The following OBP2A variants were observed in gnomAD, a reference collection of about 807,000 sequenced individuals.
OBP2A encodes odorant-binding protein 2a.
A neutral mutation model predicts 21.9 loss-of-function variants in OBP2A; 15 were observed. The ratio of observed to expected loss-of-function variants is 0.69; its 90% CI spans 0.46 to 1.06. OBP2A has a LOEUF of 1.06. Ranked by LOEUF, OBP2A falls within the 50% of genes least tolerant of loss-of-function variation. OBP2A has a pLI of 0.00. For synonymous variants in OBP2A, 86 were observed against 91.8 expected, an observed-to-expected ratio of 0.94 and a Z score of 0.36; for missense variants, 192 against 220.1, an observed-to-expected ratio of 0.87 and a Z score of 0.81.
At chr9:135,548,602 C>CT (rs746977522) in intron 4 of OBP2A, 106 bp from the exon 5 acceptor site, 1 of 1,539,896 alleles carries the variant, frequency 6.5e-7, no homozygotes, top group Admixed American at 2.0e-5. Context: ...TCTCGGGCCT[C>CT]TCCCCCGTCC....
In OBP2A at chr9:135,546,899, C is replaced by T. The variant is rs1385974838; in HGVS notation, c.194C>T (p.Thr65Met). 18 of 1,613,628 alleles carry T rather than the reference C, an allele frequency of 1.1e-5. No individual in the cohort carries two copies. Among genetic ancestry groups the T allele is most frequent in the Non-Finnish European group, 1.4e-5 (17 of 1,179,768 alleles). Residue 65 changes from threonine to methionine, a missense_variant, in exon 2 of 7, where the codon ACG becomes ATG. Physicochemically the swap from Thr to Met is moderately conservative, Grantham distance 81. Coordinates refer to ENST00000371776, the MANE Select transcript of OBP2A (RefSeq NM_014582.3). ...TALGGGNLEATFTFMREDRCI... is the reference protein window; with the variant it reads ...TALGGGNLEAMFTFMREDRCI... ...CTGGGCGGTGGGAACTTGGAAGCCA[C>T]GTTCACCTTCATGTGAGTGTTGCCC...
At chr9:135,549,779 G>C (rs570803526) in intron 6 of OBP2A, 58 bp from the exon 7 acceptor site, 761 of 1,111,390 alleles carry the variant, frequency 6.8e-4, no homozygotes, top group Middle Eastern at 3.3e-3. Context: ...GGAGCTCTGG[G>C]CCTGGCCTCT....
intron 5 of OBP2A, among the ~76,000 whole-genome samples, chr9:135,549,041 G>A (rs1479646228): frequency 4.8e-5 from 6 of 123,836 alleles, no homozygotes; most frequent in Admixed American, 1.6e-4. Context: ...GGGGCTCCGC[G>A]CTCTGGGCTG....
intron 1 of OBP2A, 50 bp from the exon 2 acceptor site, chr9:135,546,728 A>G: frequency 6.4e-7 from 1 of 1,554,530 alleles, no homozygotes; most frequent in Non-Finnish European, 8.7e-7. Context: ...CCAGGGTCAG[A>G]GTAGAATCTG....
Position 135,548,956 on chromosome 9 carries a change from C to A in OBP2A, c.490+147C>A. 5.1e-6 allele frequency: 5 copies of A among 984,612 alleles called. No homozygotes were observed. In the East Asian group the frequency reaches 1.0e-4, roughly 20 times the overall value. 61.0% of individuals were successfully genotyped at this position (984,612 alleles called of 1,614,324 possible). ...AGGGGCTCTGGGCCCTGCTTAGCATCCTCGTCGTTGGAGGGTCTGCACTCT... is the reference window on the plus strand; with the variant it reads ...AGGGGCTCTGGGCCCTGCTTAGCATACTCGTCGTTGGAGGGTCTGCACTCT... On this transcript the variant is annotated intron_variant, in intron 5 of 6. Transcript: ENST00000371776.
intron 6 of OBP2A, 94 bp from the exon 7 acceptor site, chr9:135,549,743 A>G: frequency 1.2e-6 from 1 of 803,012 alleles, no homozygotes; most frequent in Admixed American, 3.0e-5. Flanking sequence ...GCAGTGGCCG[A>G]TGTGGAAGCT....
intron 4 of OBP2A, 172 bp from the exon 5 acceptor site, chr9:135,548,536 T>G: frequency 2.3e-6 from 2 of 860,012 alleles, no homozygotes; most frequent in South Asian, 1.8e-5. Flanking sequence ...CCTTGCCTGG[T>G]GCTGGACAGT....
In OBP2A at chr9:135,547,264, A is replaced by T. The variant is rs373739564; in HGVS notation, c.277+16A>T. The T allele has an allele frequency of 5.6e-6, 9 of 1,610,640 alleles. No homozygotes were observed. The highest frequency in any genetic ancestry group is 6.8e-6 in the Non-Finnish European group (8 of 1,178,514). On this transcript the variant is annotated intron_variant, in intron 3 of 6. Transcript: ENST00000371776. ...TTCAGCGCCTGTGAGCCCCTCCCCGACCCCCCACTCCCCATGCCCAACCCC... is the reference window on the plus strand; with the variant it reads ...TTCAGCGCCTGTGAGCCCCTCCCCGTCCCCCCACTCCCCATGCCCAACCCC...
At position 135,549,102 on chromosome 9, in the gene OBP2A, C is replaced by T. The variant is rs11103059; in HGVS notation, c.491-206C>T. On this transcript the variant is annotated intron_variant, in intron 5 of 6. Transcript: ENST00000371776. ...TGGGCTGCGATGGGGTCTGGGGCTC[C>T]GCGCTCTGGGCTGCGATGGGGTCTG... is the stretch of plus-strand genomic sequence containing the variant. Among the ~76,000 whole-genome samples the T allele has an allele frequency of 1.3e-3, 5 of 3,990 alleles. 1 individual carries two copies. Among genetic ancestry groups the T allele is most frequent in the African/African-American group, 4.6e-3 (3 of 652 alleles). The allele number at this position is 3,990 out of a possible 152,430, so 2.6% of individuals were successfully genotyped here.
Position 135,548,808 on chromosome 9 carries a change from G to A in OBP2A, c.489G>A (p.Thr163=), listed in dbSNP as rs150763098. ...AGGACATTTTCATGCCCCTGCAGACGGGTGAGGACGGCTGTGCCCAGTACC... is the reference window on the plus strand; with the variant it reads ...AGGACATTTTCATGCCCCTGCAGACAGGTGAGGACGGCTGTGCCCAGTACC... ...SEEDIFMPLQ[T]GSCVLEH The change falls in exon 5 of 7, where the codon ACG becomes ACA. Residue 163 remains threonine (T), a splice_region_variant and synonymous_variant. Coordinates refer to ENST00000371776, the MANE Select transcript of OBP2A (RefSeq NM_014582.3). 4.0e-5 allele frequency: 64 copies of A among 1,613,714 alleles called. No individual in the cohort carries two copies. The African/African-American group carries it at 6.4e-4, about 16-fold the overall frequency.
rs151113466 is a variant in OBP2A at position 135,547,914 on chromosome 9, G to A, written c.321G>A (p.Thr107=). ...TATACCTGCAGGAGCTGCCCGGGAC[G>A]GACGACTACGTCTTTTACTGCAAAG... ...KLIYLQELPG[T]DDYVFYCKDQ... is the part of the protein sequence containing the mutation. The change falls in exon 4 of 7, where the codon ACG becomes ACA. Residue 107 remains threonine, a synonymous_variant. Coordinates refer to ENST00000371776, the MANE Select transcript of OBP2A (RefSeq NM_014582.3). 6.9e-5 allele frequency: 112 copies of A among 1,613,270 alleles called. 1 individual carries two copies. The African/African-American group carries it at 9.7e-4, about 14-fold the overall frequency.
At chr9:135,549,769 G>A (rs995459938) in intron 6 of OBP2A, 68 bp from the exon 7 acceptor site, 7 of 1,039,752 alleles carry the variant, frequency 6.7e-6, no homozygotes, top group Non-Finnish European at 9.6e-6. Flanking sequence ...GCCTGGGGAG[G>A]GAGCTCTGGG....
chr9:135,549,376 G>T (rs1832055636), intron 6 of OBP2A, 45 bp downstream of exon 6: 1 of 1,443,570 alleles, frequency 6.9e-7, no homozygotes, highest in Admixed American at 1.8e-5. Flanking sequence ...CAGAGTCCTG[G>T]GTTCCCGGGG....
rs1335202114 is a variant in OBP2A, at chr9:135,549,134, C to T, written c.491-174C>T. On this transcript the variant is annotated intron_variant, in intron 5 of 6. Transcript: ENST00000371776. ...TGGGCTGCGATGGGGTCTGGGGCTC[C>T]GCGCTCTGGGCTGCGATGGGGTCTG... 6.8e-3 allele frequency among the ~76,000 whole-genome samples: 71 copies of T among 10,420 alleles called. 6 individuals are homozygous for T. Among genetic ancestry groups the T allele is most frequent in the African/African-American group, 0.035 (71 of 2,024 alleles). The allele number at this position is 10,420 out of a possible 152,430, so 6.8% of individuals were successfully genotyped here.
intron 1 of OBP2A, among the ~76,000 whole-genome samples, 155 bp downstream of exon 1, chr9:135,546,407 C>T (rs442445): frequency 0.45 from 67,653 of 150,880 alleles, 14,917 homozygotes; most frequent in East Asian, 0.66. Flanking sequence ...TATTGTTCCT[C>T]CAGCAGACAC....
chr9:135,548,609 G>A (rs539342361), intron 4 of OBP2A, 99 bp from the exon 5 acceptor site: 85 of 1,563,434 alleles, frequency 5.4e-5, no homozygotes, highest in African/African-American at 4.9e-4. Context: ...CCTCTCCCCC[G>A]TCCTGATGCT....
At chr9:135,548,170 A>G (rs1324891956) in intron 4 of OBP2A, among the ~76,000 whole-genome samples, 189 bp downstream of exon 4, 1 of 152,194 alleles carries the variant, frequency 6.6e-6, no homozygotes, top group Admixed American at 6.5e-5. Context: ...GGGGTGGGCC[A>G]GGCAGGGACA....
chr9:135,549,322 G>A lies in OBP2A; in HGVS notation c.505G>A (p.Glu169Lys), dbSNP rs774820578. Residue 169 changes from glutamate to lysine, a missense_variant, in exon 6 of 7, where the codon GAA becomes AAA. By Grantham distance (56) the Glu-to-Lys change is moderately conservative. Transcript: ENST00000371776. ...GGTCTCTGCAGGAAGCTGCGTTCTC[G>A]AACACTAGGGTGAGTGAGCCTTTAG... Reference protein sequence around the residue: ...MPLQTGSCVLEH With the variant: ...MPLQTGSCVLKH The A allele has an allele frequency of 6.8e-5, 103 of 1,507,616 alleles. 14 individuals carry two copies. In the Middle Eastern group the frequency reaches 1.9e-3, roughly 28 times the overall value. 93.4% of individuals were successfully genotyped at this position (1,507,616 alleles called of 1,614,324 possible). A position where few individuals can be genotyped will look rare whatever the true frequency, so the allele number is the denominator to read the frequency against.
Position 135,548,856 on chromosome 9 carries a change from G to C in OBP2A, c.490+47G>C, listed in dbSNP as rs769072925. The C allele has an allele frequency of 3.2e-5, 51 of 1,587,278 alleles. 1 individual carries two copies. Among genetic ancestry groups the C allele is most frequent in the South Asian group, 2.1e-4 (19 of 90,500 alleles). Reference sequence around the variant, plus strand: ...ACCCCGTGTTCCCCTGTGTCTCTGTGTGATCTCCAGTGTCCCATGACCCCC... The same window carrying C: ...ACCCCGTGTTCCCCTGTGTCTCTGTCTGATCTCCAGTGTCCCATGACCCCC... On this transcript the variant is annotated intron_variant, in intron 5 of 6. Transcript: ENST00000371776.
Sources: allele counts gnomAD v4.1 joint callset (sites outside exome capture counted in the v4.1 genomes callset), GRCh38; gene constraint gnomAD v4.1.1; transcripts MANE v1.5; gene names NCBI Gene and HGNC (gene_info 2026-07-23, HGNC 2026-07-21).